SPPL3: variants seen among roughly 807,000 people sequenced by gnomAD.
SPPL3 encodes signal peptide peptidase like 3.
SPPL3 carries 5 observed loss-of-function variants against 42.4 expected under a neutral mutation model. The ratio of observed to expected loss-of-function variants is 0.12; its 90% CI spans 0.06 to 0.25. SPPL3 has a LOEUF of 0.25. SPPL3 is among the 10% of genes least tolerant of loss of function. SPPL3 has a pLI of 1.00. For synonymous variants in SPPL3, 195 were observed against 181.8 expected (o/e 1.07, Z -0.58); for missense variants, 235 against 489.0 (o/e 0.48, Z 4.90).
intron 1 of SPPL3, among the ~76,000 whole-genome samples, chr12:120,822,281 T>A (rs1592979925): frequency 6.6e-6 from 1 of 152,202 alleles, no homozygotes; most frequent in Admixed American, 6.5e-5. Flanking sequence ...TATTTTACAA[T>A]AACAACTTTT....
intron 2 of SPPL3, among the ~76,000 whole-genome samples, chr12:120,808,026 T>A (rs1435522508): frequency 6.6e-6 from 1 of 152,050 alleles, no homozygotes; most frequent in Non-Finnish European, 1.5e-5. Flanking sequence ...AGTGGTTGCA[T>A]AATCTTTGTC....
At position 120,762,583 on chromosome 12, in the gene SPPL3, G is replaced by A. The variant is rs919089451; in HGVS notation, c.*2416C>T. On this transcript the variant is annotated 3_prime_UTR_variant, in exon 11 of 11. Coordinates refer to ENST00000353487, the MANE Select transcript of SPPL3 (RefSeq NM_139015.5). ...AAAAATTAAAATGACCCACTGCCAG[G>A]ATAACATTTCCTTTTTTTTTTTTTT... 1 of 144,130 alleles carries A rather than the reference G, an allele frequency of 6.9e-6. No individual in the cohort carries two copies. Among genetic ancestry groups the A allele is most frequent in the African/African-American group, 2.6e-5 (1 of 38,556 alleles). 8.9% of individuals were successfully genotyped at this position (144,130 alleles called of 1,614,324 possible).
chr12:120,791,834 G>GAT, intron 2 of SPPL3: 1 of 336,536 alleles, frequency 3.0e-6, no homozygotes, highest in Admixed American at 4.9e-5. Context: ...ACTTCCTTAT[G>GAT]ATAAAAGCCT....
intron 6 of SPPL3, among the ~76,000 whole-genome samples, chr12:120,781,555 GTTTTTTTT>G (rs527339173): frequency 5.6e-4 from 35 of 62,996 alleles, no homozygotes; most frequent in African/African-American, 2.4e-3. Flanking sequence ...TTATTGTTAC[GTTTTTTTT>G]TTTTTTTTTT....
At position 120,772,513 on chromosome 12, in the gene SPPL3, CAATA is replaced by C. The variant is rs1248940604; in HGVS notation, c.503-3458_503-3455del. Among the ~76,000 whole-genome samples the C allele has an allele frequency of 5.9e-5, 9 of 152,208 alleles. No homozygotes were observed. In the East Asian group the frequency reaches 1.7e-3, roughly 29 times the overall value. On this transcript the variant is annotated intron_variant, in intron 6 of 10. Transcript: ENST00000353487. ...CCTAGCACTTGACAGAGTAGACATT[CAATA>C]AATACTTGCTGAATGAATGCAAAAC...
At chr12:120,829,801 C>T (rs1871340011) in intron 1 of SPPL3, among the ~76,000 whole-genome samples, 1 of 152,006 alleles carries the variant, frequency 6.6e-6, no homozygotes, top group Admixed American at 6.6e-5. Flanking sequence ...TTGAGCCAGC[C>T]TGGCCACCAT....
chr12:120,777,437 A>G (rs1295982850), intron 6 of SPPL3, among the ~76,000 whole-genome samples: 1 of 152,226 alleles, frequency 6.6e-6, no homozygotes, highest in Non-Finnish European at 1.5e-5. Context: ...TTATACATGC[A>G]TCACTTCTTC....
chr12:120,839,406 C>T (rs1871731135), intron 1 of SPPL3, among the ~76,000 whole-genome samples: 1 of 149,160 alleles, frequency 6.7e-6, no homozygotes, highest in African/African-American at 2.5e-5. Context: ...ATACCTAATG[C>T]TAAATGACGA....
intron 1 of SPPL3, among the ~76,000 whole-genome samples, chr12:120,867,371 A>G (rs1872785813): frequency 6.6e-6 from 1 of 152,200 alleles, no homozygotes; most frequent in African/African-American, 2.4e-5. Context: ...ACCATCAAAA[A>G]TATTTAATGG....
chr12:120,896,774 G>C (rs1298001644), intron 1 of SPPL3, among the ~76,000 whole-genome samples: 1 of 148,440 alleles, frequency 6.7e-6, no homozygotes, highest in African/African-American at 2.5e-5. Context: ...GTGAGACTCC[G>C]TTTCAAAAAA....
intron 1 of SPPL3, among the ~76,000 whole-genome samples, chr12:120,893,966 G>T (rs947692463): frequency 2.6e-5 from 4 of 152,210 alleles, no homozygotes; most frequent in African/African-American, 9.6e-5. Flanking sequence ...AGTGGCAAAG[G>T]TATTTGTTTT....
intron 2 of SPPL3, among the ~76,000 whole-genome samples, chr12:120,796,114 G>A (rs569793632): frequency 6.6e-6 from 1 of 152,150 alleles, no homozygotes; most frequent in South Asian, 2.1e-4. Context: ...AGTGGTTCAC[G>A]ACTGTGATCC....
At chr12:120,863,459 A>G (rs1205410088) in intron 1 of SPPL3, among the ~76,000 whole-genome samples, 5 of 152,216 alleles carry the variant, frequency 3.3e-5, no homozygotes, top group African/African-American at 1.2e-4. Context: ...GTCTGGCTTA[A>G]TCGAAGTCAG....
intron 1 of SPPL3, among the ~76,000 whole-genome samples, chr12:120,874,452 CAAA>C (rs71076673): frequency 2.7e-4 from 26 of 97,384 alleles, no homozygotes; most frequent in Admixed American, 6.5e-4. Context: ...GACCCTGTCG[CAAA>C]AAAAAAAAAA....
chr12:120,806,506 T>C (rs1241279990), intron 2 of SPPL3, among the ~76,000 whole-genome samples: 1 of 151,674 alleles, frequency 6.6e-6, no homozygotes, highest in African/African-American at 2.4e-5. Context: ...TAACTCAAAA[T>C]GAATCATAAT....
intron 6 of SPPL3, among the ~76,000 whole-genome samples, chr12:120,777,370 A>G (rs774902235): frequency 6.6e-6 from 1 of 152,210 alleles, no homozygotes; most frequent in Non-Finnish European, 1.5e-5. Flanking sequence ...TGTATAACAC[A>G]TATTTTTAAA....
At chr12:120,824,817 C>T (rs1421485107) in intron 1 of SPPL3, among the ~76,000 whole-genome samples, 2 of 152,184 alleles carry the variant, frequency 1.3e-5, no homozygotes, top group African/African-American at 4.8e-5. Flanking sequence ...GGATTACAAG[C>T]GTGAAGCTGC....
chr12:120,802,399 G>GTATATATATATACA (rs1488001549), intron 2 of SPPL3, among the ~76,000 whole-genome samples: 3 of 89,846 alleles, frequency 3.3e-5, no homozygotes, highest in African/African-American at 2.5e-4. Flanking sequence ...ACACATATAT[G>GTATATATATATACA]TGTGTGTGTG....
intron 1 of SPPL3, among the ~76,000 whole-genome samples, chr12:120,839,086 T>C (rs1357898611): frequency 2.6e-5 from 4 of 151,884 alleles, no homozygotes; most frequent in Admixed American, 2.0e-4. Flanking sequence ...CTCTTCACAA[T>C]AGCAAAGACT....
Sources: gnomAD v4.1 joint callset for allele counts (sites outside exome capture counted in the v4.1 genomes callset) on GRCh38, gnomAD v4.1.1 for gene constraint, MANE v1.5 for transcripts, NCBI Gene and HGNC (gene_info 2026-07-23, HGNC 2026-07-21) for gene names.